The following CADM1 variants were observed in gnomAD, a reference collection of about 807,000 sequenced individuals.
The protein encoded by CADM1 is TSLC-1.
CADM1 carries 15 observed loss-of-function variants against 53.1 expected under a neutral mutation model. The observed-to-expected ratio is 0.28, with a 90% CI of 0.19 to 0.44. The LOEUF is 0.44. Ranked by LOEUF, CADM1 falls within the 20% of genes least tolerant of loss-of-function variation. CADM1 has a pLI of 1.00. For synonymous variants in CADM1, 281 were observed against 243.0 expected (o/e 1.16, Z -1.45); for missense variants, 434 against 611.3 (o/e 0.71, Z 3.06).
chr11:115,259,382 C>T (rs7104828), intron 1 of CADM1, among the ~76,000 whole-genome samples: 27,406 of 145,576 alleles, frequency 0.19, 4,136 homozygotes, highest in East Asian at 0.65. Flanking sequence ...CTCGGCTCAC[C>T]GCAACCTCTG....
chr11:115,306,103 C>CACACACACACACACACAT (rs1213855783), intron 1 of CADM1, among the ~76,000 whole-genome samples: 4 of 151,294 alleles, frequency 2.6e-5, no homozygotes, highest in Non-Finnish European at 5.9e-5. Flanking sequence ...CACACACACA[C>CACACACACACACACACAT]ATACCGTCAT....
chr11:115,221,902 C>T (rs749205696), intron 5 of CADM1, among the ~76,000 whole-genome samples: 8 of 152,142 alleles, frequency 5.3e-5, no homozygotes, highest in Non-Finnish European at 1.0e-4. Flanking sequence ...AACCTTCCCT[C>T]TCTTCCTAAG....
intron 1 of CADM1, among the ~76,000 whole-genome samples, chr11:115,290,262 C>T (rs1943852775): frequency 6.6e-6 from 1 of 152,168 alleles, no homozygotes; most frequent in Admixed American, 6.5e-5. Flanking sequence ...GAATGTTCAT[C>T]TACGTGGTCT....
chr11:115,503,463 G>A (rs1356502319), intron 1 of CADM1, among the ~76,000 whole-genome samples: 1 of 152,138 alleles, frequency 6.6e-6, no homozygotes. Context: ...AGAACGGGCA[G>A]CCGGGAAATC....
At chr11:115,275,250 G>A (rs976873282) in intron 1 of CADM1, among the ~76,000 whole-genome samples, 3 of 152,020 alleles carry the variant, frequency 2.0e-5, no homozygotes, top group Non-Finnish European at 2.9e-5. Context: ...TCTCGCCCAC[G>A]TCTTTCTCAC....
At chr11:115,211,654 A>ATT (rs368847838) in intron 7 of CADM1, among the ~76,000 whole-genome samples, 36,729 of 128,810 alleles carry the variant, frequency 0.29, 5,518 homozygotes, top group South Asian at 0.41. Flanking sequence ...TAATTTTTGT[A>ATT]TTTTTTTTTT....
chr11:115,302,265 C>T (rs147879829), intron 1 of CADM1, among the ~76,000 whole-genome samples: 3 of 152,080 alleles, frequency 2.0e-5, no homozygotes, highest in East Asian at 3.9e-4. Context: ...ACAAGTCTTC[C>T]TATGTAACAA....
Position 115,201,777 on chromosome 11 carries a change from T to C in CADM1, c.1079-3339A>G, listed in dbSNP as rs576497883. On this transcript the variant is annotated intron_variant, in intron 8 of 11. Transcript: ENST00000331581. The stretch of plus-strand genomic sequence containing the variant: ...GTCACAAAAAATTGAGCTGGACTTA[T>C]GGTGGTGTTGGGTTATATAGACATT... Among the ~76,000 whole-genome samples, 488 of 152,254 alleles carry C rather than the reference T, an allele frequency of 3.2e-3. 1 individual carries two copies. Among genetic ancestry groups the C allele is most frequent in the Non-Finnish European group, 5.2e-3 (352 of 68,000 alleles).
In CADM1 at chr11:115,441,316, T is replaced by A. The variant is rs567156176; in HGVS notation, c.124+62955A>T. ...AATGAAAATGATGACTCAATAGCCT[T>A]GAAGTTTTAACCATTCAAATACAAA... On this transcript the variant is annotated intron_variant, in intron 1 of 11. Transcript: ENST00000331581. Among the ~76,000 whole-genome samples, 14 of 152,250 alleles carry A rather than the reference T, an allele frequency of 9.2e-5. No individual in the cohort carries two copies. The East Asian group carries it at 2.7e-3, about 29-fold the overall frequency.
At chr11:115,376,093 CTAA>C (rs576817257) in intron 1 of CADM1, among the ~76,000 whole-genome samples, 1 of 152,048 alleles carries the variant, frequency 6.6e-6, no homozygotes, top group South Asian at 2.1e-4. Context: ...TTGGTGGTCA[CTAA>C]TAATATCTTT....
intron 1 of CADM1, among the ~76,000 whole-genome samples, chr11:115,423,331 A>T (rs1389888160): frequency 6.6e-6 from 1 of 152,188 alleles, no homozygotes; most frequent in African/African-American, 2.4e-5. Context: ...TGCTTTTAAC[A>T]TTCATCTCTA....
At chr11:115,446,537 T>C (rs1455164557) in intron 1 of CADM1, among the ~76,000 whole-genome samples, 1 of 152,196 alleles carries the variant, frequency 6.6e-6, no homozygotes, top group Admixed American at 6.5e-5. Context: ...GCCATTCCCC[T>C]TTATAGATTA....
At chr11:115,248,036 G>A (rs1485619955) in intron 1 of CADM1, among the ~76,000 whole-genome samples, 1 of 152,218 alleles carries the variant, frequency 6.6e-6, no homozygotes, top group Non-Finnish European at 1.5e-5. Flanking sequence ...TCTCTCCCAA[G>A]AGAATGATCT....
At chr11:115,457,830 A>C (rs1457958865) in intron 1 of CADM1, among the ~76,000 whole-genome samples, 1 of 152,170 alleles carries the variant, frequency 6.6e-6, no homozygotes, top group Non-Finnish European at 1.5e-5. Flanking sequence ...CACTAATAAA[A>C]ACGGCTAATG....
At chr11:115,194,708 C>T (rs1408964977) in intron 9 of CADM1, among the ~76,000 whole-genome samples, 1 of 152,014 alleles carries the variant, frequency 6.6e-6, no homozygotes, top group Non-Finnish European at 1.5e-5. Flanking sequence ...AGAGAGACCT[C>T]AAACCCAGAG....
intron 1 of CADM1, among the ~76,000 whole-genome samples, chr11:115,420,697 A>G (rs1947732093): frequency 6.6e-6 from 1 of 152,072 alleles, no homozygotes; most frequent in East Asian, 1.9e-4. Flanking sequence ...TTTTTTAATT[A>G]TTGTTTGTGG....
At chr11:115,261,748 C>T (rs982946574) in intron 1 of CADM1, among the ~76,000 whole-genome samples, 5 of 150,114 alleles carry the variant, frequency 3.3e-5, no homozygotes, top group Non-Finnish European at 7.4e-5. Flanking sequence ...TAGAAAACAT[C>T]TTTTTAACAT....
chr11:115,478,644 A>G (rs1194766671), intron 1 of CADM1, among the ~76,000 whole-genome samples: 1 of 152,154 alleles, frequency 6.6e-6, no homozygotes, highest in Non-Finnish European at 1.5e-5. Context: ...TAACTCAGAA[A>G]GTAAAAGTCC....
chr11:115,204,230 T>A (rs1591601275), intron 8 of CADM1, among the ~76,000 whole-genome samples: 1 of 152,224 alleles, frequency 6.6e-6, no homozygotes, highest in Non-Finnish European at 1.5e-5. Context: ...TGGACCTTCA[T>A]GTGTAACTTC....
Sources: gnomAD v4.1 joint callset for allele counts (sites outside exome capture counted in the v4.1 genomes callset) on GRCh38, gnomAD v4.1.1 for gene constraint, MANE v1.5 for transcripts, NCBI Gene and HGNC (gene_info 2026-07-23, HGNC 2026-07-21) for gene names.